ANKRD55: variants seen among roughly 807,000 people sequenced by gnomAD.
ANKRD55 encodes ankyrin repeat domain 55.
In ANKRD55, 41 loss-of-function variants were observed where a neutral mutation model predicts 60.6. That is an observed-to-expected ratio of 0.68 (90% confidence interval 0.53 to 0.88). The LOEUF is 0.88. Ranked by LOEUF, ANKRD55 falls within the 40% of genes least tolerant of loss-of-function variation. The pLI, the probability that ANKRD55 is intolerant of heterozygous loss-of-function variation, is 0.00. For missense variants in ANKRD55, 732 were observed against 767.6 expected (o/e 0.95, Z 0.55); for synonymous variants, 264 against 290.3 (o/e 0.91, Z 0.92).
chr5:56,213,349 C>A (rs1759722909), intron 2 of ANKRD55, among the ~76,000 whole-genome samples: 1 of 152,224 alleles, frequency 6.6e-6, no homozygotes, highest in South Asian at 2.1e-4. Flanking sequence ...ACATTGGTTA[C>A]ATTATTTTGC....
intron 7 of ANKRD55, among the ~76,000 whole-genome samples, chr5:56,129,579 C>T (rs372775064): frequency 5.9e-5 from 9 of 152,050 alleles, no homozygotes; most frequent in East Asian, 1.9e-4. Context: ...AATTTTGCTA[C>T]GGGCAGATTG....
intron 6 of ANKRD55, among the ~76,000 whole-genome samples, chr5:56,150,230 T>C (rs758941489): frequency 3.4e-4 from 51 of 152,156 alleles, no homozygotes; most frequent in Non-Finnish European, 7.2e-4. Flanking sequence ...TACCTGTGAC[T>C]TTGCCACCTC....
At chr5:56,177,976 A>G (rs1758772828) in intron 3 of ANKRD55, among the ~76,000 whole-genome samples, 1 of 152,084 alleles carries the variant, frequency 6.6e-6, no homozygotes, top group Non-Finnish European at 1.5e-5. Context: ...ATTTTTCTCT[A>G]GTAATTCTTT....
intron 6 of ANKRD55, among the ~76,000 whole-genome samples, chr5:56,153,007 A>T (rs1302039337): frequency 6.6e-6 from 1 of 152,180 alleles, no homozygotes; most frequent in Non-Finnish European, 1.5e-5. Flanking sequence ...CAAAATAGCC[A>T]ACAGCCTACG....
chr5:56,138,804 G>T (rs1757677713), intron 7 of ANKRD55, among the ~76,000 whole-genome samples: 1 of 152,206 alleles, frequency 6.6e-6, no homozygotes, highest in African/African-American at 2.4e-5. Context: ...ACAGTAAAAA[G>T]ATCAGTGGTT....
At chr5:56,228,911 G>A (rs1760180919) in intron 2 of ANKRD55, among the ~76,000 whole-genome samples, 1 of 152,028 alleles carries the variant, frequency 6.6e-6, no homozygotes, top group African/African-American at 2.4e-5. Context: ...CAAGAGAAAC[G>A]ACCTGTGCAA....
At chr5:56,231,364 A>C (rs1377945021) in intron 2 of ANKRD55, among the ~76,000 whole-genome samples, 2 of 152,202 alleles carry the variant, frequency 1.3e-5, no homozygotes, top group Non-Finnish European at 2.9e-5. Context: ...AAGGTACAGC[A>C]CTGGAACATG....
intron 2 of ANKRD55, among the ~76,000 whole-genome samples, chr5:56,217,729 C>T (rs753782795): frequency 6.6e-6 from 1 of 151,974 alleles, no homozygotes. Context: ...CCCATCTCTA[C>T]TAAAAATACA....
At chr5:56,215,518 G>A (rs1434935305) in intron 2 of ANKRD55, among the ~76,000 whole-genome samples, 6 of 152,236 alleles carry the variant, frequency 3.9e-5, no homozygotes, top group Non-Finnish European at 8.8e-5. Context: ...ATCACAGAGG[G>A]AGTCGGGCAC....
Position 56,188,175 on chromosome 5 carries a change from G to A in ANKRD55, c.59-4541C>T, listed in dbSNP as rs141875312. On this transcript the variant is annotated intron_variant, in intron 2 of 11. Coordinates refer to ENST00000341048, the MANE Select transcript of ANKRD55 (RefSeq NM_024669.3). ...TCCTGGCCATGGAGATGGATTCAGG[G>A]ATGTGACCCAATTAGAGCCCACGAA... Among the ~76,000 whole-genome samples, 12 of 152,164 alleles carry A rather than the reference G, an allele frequency of 7.9e-5. No homozygotes were observed. In the East Asian group the frequency reaches 2.3e-3, roughly 29 times the overall value.
At chr5:56,193,101 A>C (rs36747) in intron 2 of ANKRD55, 140,925 of 721,476 alleles carry the variant, frequency 0.2, 15,801 homozygotes, top group South Asian at 0.35. Context: ...CTTCTTTCAA[A>C]ATATGATTCT....
chr5:56,143,801 C>G lies in ANKRD55; in HGVS notation c.612G>C (p.Gln204His), dbSNP rs201143186. 1.4e-4 allele frequency: 224 copies of G among 1,614,072 alleles called. No individual in the cohort carries two copies. The highest frequency in any genetic ancestry group is 1.7e-4 in the Non-Finnish European group (198 of 1,180,042). ...ACCAGTCCACAGGTCAATTTCTCAC[C>G]TGGACTGCCCAGTGGAGAGCGGTTT... ...DFKTALHWAV[Q>H]SGNRILCSII... The change falls in exon 7 of 12, where the codon CAG becomes CAC. Residue 204 changes from glutamine to histidine, a missense_variant and splice_region_variant. Gln to His is a conservative substitution (Grantham distance 24). Coordinates refer to ENST00000341048, the MANE Select transcript of ANKRD55 (RefSeq NM_024669.3).
At chr5:56,140,079 T>C (rs1214350020) in intron 7 of ANKRD55, among the ~76,000 whole-genome samples, 1 of 152,212 alleles carries the variant, frequency 6.6e-6, no homozygotes, top group Non-Finnish European at 1.5e-5. Context: ...GGCCTTATTA[T>C]TTCAATGAAC....
Position 56,115,055 on chromosome 5 carries a change from C to T in ANKRD55, c.965+1560G>A, listed in dbSNP as rs570314229. ...AAAACCAAAAAACAAGAAAACCCAG[C>T]TGGGCATGGTGGCACATGCCTAAAG... On this transcript the variant is annotated intron_variant, in intron 9 of 11. Transcript: ENST00000341048. Among the ~76,000 whole-genome samples, 14 of 151,860 alleles carry T rather than the reference C, an allele frequency of 9.2e-5. 1 individual carries two copies. In the South Asian group the frequency reaches 2.7e-3, roughly 29 times the overall value.
chr5:56,110,876 T>C (rs1216212043), intron 10 of ANKRD55, among the ~76,000 whole-genome samples: 1 of 152,174 alleles, frequency 6.6e-6, no homozygotes, highest in Non-Finnish European at 1.5e-5. Flanking sequence ...ACATATTTGC[T>C]GGGGAGATGA....
intron 2 of ANKRD55, among the ~76,000 whole-genome samples, chr5:56,213,620 T>C (rs1182442327): frequency 6.6e-6 from 1 of 152,074 alleles, no homozygotes; most frequent in Admixed American, 6.5e-5. Context: ...ACTAGATAGA[T>C]TACTAGAGCA....
At chr5:56,102,416 T>C in intron 11 of ANKRD55, 78 bp downstream of exon 11, 2 of 1,073,052 alleles carry the variant, frequency 1.9e-6, no homozygotes, top group Non-Finnish European at 2.7e-6. Flanking sequence ...AAAATGAAAG[T>C]AAACGGAAAT....
intron 2 of ANKRD55, among the ~76,000 whole-genome samples, chr5:56,227,599 T>G (rs1393875036): frequency 2.0e-5 from 3 of 148,554 alleles, no homozygotes; most frequent in Non-Finnish European, 3.0e-5. Context: ...TTTCATTAAT[T>G]TGATTTTCCA....
At chr5:56,226,084 C>T (rs1232223717) in intron 2 of ANKRD55, among the ~76,000 whole-genome samples, 1 of 152,218 alleles carries the variant, frequency 6.6e-6, no homozygotes, top group East Asian at 1.9e-4. Context: ...TCAATCTATA[C>T]TACAAGGCTA....
Sources: gnomAD v4.1 joint callset for allele counts (sites outside exome capture counted in the v4.1 genomes callset) on GRCh38, gnomAD v4.1.1 for gene constraint, MANE v1.5 for transcripts, NCBI Gene and HGNC (gene_info 2026-07-23, HGNC 2026-07-21) for gene names.